Variants in ADCY9 observed in about 807,000 individuals in gnomAD.
ADCY9 encodes the protein adenylate cyclase 9.
A neutral mutation model predicts 101.5 loss-of-function variants in ADCY9; 50 were observed. The observed-to-expected ratio is 0.49, with a 90% CI of 0.39 to 0.62. ADCY9 has a LOEUF of 0.62. Among genes scored for constraint, ADCY9 ranks in the 20% least tolerant of loss-of-function variants. The pLI, the probability that ADCY9 is intolerant of heterozygous loss-of-function variation, is 0.00. For synonymous variants in ADCY9, 905 were observed against 769.3 expected (o/e 1.18, Z -2.92); for missense variants, 1,662 against 1,800.4 (o/e 0.92, Z 1.39).
In ADCY9 at chr16:4,072,820, G is replaced by A. The variant is rs530388648; in HGVS notation, c.1693+40930C>T. Among the ~76,000 whole-genome samples, 5 of 151,884 alleles carry A rather than the reference G, an allele frequency of 3.3e-5. No homozygotes were observed. In the East Asian group the frequency reaches 9.6e-4, roughly 29 times the overall value. ...TAAAGAGAAAATCTTAAAAGCTGCCGGGGTGACAGTGGGAATTGGGAAACA... is the reference window on the plus strand; with the variant it reads ...TAAAGAGAAAATCTTAAAAGCTGCCAGGGTGACAGTGGGAATTGGGAAACA... On this transcript the variant is annotated intron_variant, in intron 2 of 10. Transcript: ENST00000294016.
At chr16:4,083,393 C>T (rs901277043) in intron 2 of ADCY9, among the ~76,000 whole-genome samples, 8 of 152,030 alleles carry the variant, frequency 5.3e-5, no homozygotes, top group Admixed American at 2.0e-4. Context: ...AATCAGGGCC[C>T]GCACACACTC....
At chr16:4,102,803 C>G (rs1369100837) in intron 2 of ADCY9, among the ~76,000 whole-genome samples, 9 of 152,154 alleles carry the variant, frequency 5.9e-5, no homozygotes, top group African/African-American at 2.2e-4. Flanking sequence ...CTCACTGCAG[C>G]CTCCGCCTCC....
chr16:4,044,346 C>CA (rs964094269), intron 2 of ADCY9, among the ~76,000 whole-genome samples: 7 of 146,656 alleles, frequency 4.8e-5, no homozygotes, highest in African/African-American at 7.5e-5. Context: ...GACTCCATCT[C>CA]AAAAAAAACA....
chr16:3,956,503 T>TTTTTTTGTTGGG (rs55792938), intron 5 of ADCY9, among the ~76,000 whole-genome samples: 1 of 69,496 alleles, frequency 1.4e-5, no homozygotes, highest in African/African-American at 4.0e-5. Flanking sequence ...TTTTTTTTTT[T>TTTTTTTGTTGGG]GGGGGGGGAT....
intron 9 of ADCY9, 74 bp downstream of exon 9, chr16:3,977,408 G>A (rs989376090): frequency 1.6e-4 from 246 of 1,502,448 alleles, no homozygotes; most frequent in Non-Finnish European, 2.1e-4. Context: ...ATGTGCAAAT[G>A]CAGCCAGGCC....
At chr16:4,001,403 A>C (rs897880641) in intron 3 of ADCY9, among the ~76,000 whole-genome samples, 8 of 152,190 alleles carry the variant, frequency 5.3e-5, no homozygotes, top group African/African-American at 1.9e-4. Context: ...GGGTTTGCGG[A>C]AAGAATGCCG....
At chr16:3,961,691 T>C (rs1375113529), downstream of ADCY9, among the ~76,000 whole-genome samples, 1 of 151,584 alleles carries the variant, frequency 6.6e-6, no homozygotes, top group Non-Finnish European at 1.5e-5. Context: ...CTTTGTGGAG[T>C]CTACAAAAGA....
At chr16:4,068,571 T>C (rs1305060441) in intron 2 of ADCY9, among the ~76,000 whole-genome samples, 1 of 152,028 alleles carries the variant, frequency 6.6e-6, no homozygotes, top group Admixed American at 6.6e-5. Flanking sequence ...TCCCGGCACT[T>C]TGGGAGGCCT....
chr16:4,115,649 G>T lies in ADCY9; in HGVS notation c.-44+41C>A, dbSNP rs998243699. ...CAGCGGTGCTCCCACCGCCCCCACCGCCCCCACCTTCGAGGCGCACGAGAA... is the reference window on the plus strand; with the variant it reads ...CAGCGGTGCTCCCACCGCCCCCACCTCCCCCACCTTCGAGGCGCACGAGAA... On this transcript the variant is annotated intron_variant, in intron 1 of 10. Transcript: ENST00000294016. The surrounding 1 kb of genome is among the most constrained non-coding windows in gnomAD (Gnocchi z 6.2). 6.9e-6 allele frequency: 4 copies of T among 583,340 alleles called. No homozygotes were observed. 36.1% of individuals were successfully genotyped at this position (583,340 alleles called of 1,614,324 possible). A position where few individuals can be genotyped will look rare whatever the true frequency, so the allele number is the denominator to read the frequency against.
At chr16:4,013,839 C>G (rs530784305) in intron 2 of ADCY9, among the ~76,000 whole-genome samples, 22 of 152,228 alleles carry the variant, frequency 1.4e-4, no homozygotes, top group African/African-American at 5.3e-4. Context: ...AGTTTTGGTA[C>G]AAAAGAGAGA....
chr16:4,038,772 C>T (rs1353626368), intron 2 of ADCY9, among the ~76,000 whole-genome samples: 3 of 152,044 alleles, frequency 2.0e-5, no homozygotes, highest in African/African-American at 7.2e-5. Flanking sequence ...TCTTCTCCTT[C>T]CTTTCCCTCA....
chr16:4,115,063 C>G lies in ADCY9; in HGVS notation c.380G>C (p.Cys127Ser). ...CGCAAAATAGATGCTCCACAGAAGG[C>G]AGGCGAAGCCGATGTAGAAGAGCGC... Reference protein sequence around the residue: ...RYALFYIGFACLLWSIYFAVH... With the variant: ...RYALFYIGFASLLWSIYFAVH... Residue 127 changes from cysteine (C) to serine (S), a missense_variant, in exon 2 of 11, where the codon TGC becomes TCC. Physicochemically the swap from Cys to Ser is moderately radical, Grantham distance 112 (BLOSUM62 -1). This residue lies in a region of ADCY9 where 422 missense variants were observed against 392.0 expected (regional missense o/e 1.08). Coordinates refer to ENST00000294016, the MANE Select transcript of ADCY9 (RefSeq NM_001116.4). This position sits in a 1 kb window ranked among gnomAD's most constrained non-coding sequence, Gnocchi z 6.2. 1 of 1,614,022 alleles carries G rather than the reference C, an allele frequency of 6.2e-7. No individual in the cohort carries two copies. The highest frequency in any genetic ancestry group is 8.5e-7 in the Non-Finnish European group (1 of 1,180,024).
chr16:3,985,442 A>G (rs1390581066), intron 6 of ADCY9, among the ~76,000 whole-genome samples: 3 of 152,134 alleles, frequency 2.0e-5, no homozygotes, highest in African/African-American at 7.2e-5. Flanking sequence ...GGCCAGGTGT[A>G]GGAATTTCAG....
chr16:4,083,146 A>G (rs1325158411), intron 2 of ADCY9, among the ~76,000 whole-genome samples: 1 of 152,234 alleles, frequency 6.6e-6, no homozygotes, highest in African/African-American at 2.4e-5. Flanking sequence ...ATGAGATAGT[A>G]AATGCGTTTT....
chr16:4,097,748 C>G (rs558897508), intron 2 of ADCY9, among the ~76,000 whole-genome samples: 1 of 150,932 alleles, frequency 6.6e-6, no homozygotes, highest in African/African-American at 2.4e-5. Context: ...CATTTCTCCA[C>G]GTTGGCCAGG....
chr16:4,110,637 G>A (rs192584136), intron 2 of ADCY9, among the ~76,000 whole-genome samples: 51 of 152,212 alleles, frequency 3.4e-4, no homozygotes, highest in Admixed American at 1.1e-3. Flanking sequence ...TGATCCACCC[G>A]CCTTGGCCTC....
intron 2 of ADCY9, among the ~76,000 whole-genome samples, chr16:4,033,495 G>A (rs1476829899): frequency 5.4e-5 from 8 of 147,486 alleles, no homozygotes; most frequent in Admixed American, 3.4e-4. Flanking sequence ...GTGCAGTGGT[G>A]TAATCTTGGC....
At chr16:4,007,168 C>T (rs930237016) in intron 3 of ADCY9, among the ~76,000 whole-genome samples, 200 bp downstream of exon 3, 6 of 152,030 alleles carry the variant, frequency 3.9e-5, no homozygotes, top group East Asian at 1.9e-4. Flanking sequence ...AATGGAGGTG[C>T]GTCATATGTC....
chr16:3,971,029 C>T (rs971599201), intron 10 of ADCY9, among the ~76,000 whole-genome samples: 1 of 152,080 alleles, frequency 6.6e-6, no homozygotes, highest in Non-Finnish European at 1.5e-5. Context: ...TTGATAAGAG[C>T]GGCTCACACT....
Sources: gnomAD v4.1 joint callset for allele counts (sites outside exome capture counted in the v4.1 genomes callset) on GRCh38, gnomAD v4.1.1 for gene constraint, gnomAD v4.1.1 regional missense constraint, Gnocchi (gnomAD v3.1) non-coding constraint, MANE v1.5 for transcripts, NCBI Gene and HGNC (gene_info 2026-07-23, HGNC 2026-07-21) for gene names.